The following ADGRB3 variants were observed in gnomAD, a reference collection of about 807,000 sequenced individuals.
ADGRB3 encodes adhesion G protein-coupled receptor B3.
In ADGRB3, 37 loss-of-function variants were observed where a neutral mutation model predicts 193.4. The ratio of observed to expected loss-of-function variants is 0.19; its 90% CI spans 0.15 to 0.25. The LOEUF (loss-of-function observed/expected upper bound fraction) is 0.25, where lower values mean the gene tolerates loss of function less well. Ranked by LOEUF, ADGRB3 falls within the 10% of genes least tolerant of loss-of-function variation. The pLI, the probability that ADGRB3 is intolerant of heterozygous loss-of-function variation, is 1.00. For synonymous variants in ADGRB3, 690 were observed against 644.2 expected, an observed-to-expected ratio of 1.07 and a Z score of -1.08; for missense variants, 1,637 against 1,852.9, an observed-to-expected ratio of 0.88 and a Z score of 2.14.
chr6:69,029,305 A>G (rs1489315599), intron 13 of ADGRB3, among the ~76,000 whole-genome samples: 1 of 152,160 alleles, frequency 6.6e-6, no homozygotes, highest in Non-Finnish European at 1.5e-5. Context: ...TTGGCTAATT[A>G]CACAAGTTAT....
chr6:68,863,055 T>A (rs1356434338), intron 3 of ADGRB3, among the ~76,000 whole-genome samples: 1 of 152,196 alleles, frequency 6.6e-6, no homozygotes, highest in East Asian at 1.9e-4. Flanking sequence ...CTGAAGTTAA[T>A]AATTACTATA....
Position 69,015,157 on chromosome 6 carries a change from G to T in ADGRB3, c.1998+1051G>T, listed in dbSNP as rs567189500. Among the ~76,000 whole-genome samples the T allele has an allele frequency of 3.3e-5, 5 of 152,116 alleles. No homozygotes were observed. The East Asian group carries it at 9.7e-4, about 29-fold the overall frequency. On this transcript the variant is annotated intron_variant, in intron 12 of 31. Transcript: ENST00000370598. ...TGGTGTCTTTCCTTAGAATACAGCT[G>T]CAGAGGCTAAGTACATCTTTCTAGG...
chr6:68,993,723 G>A (rs771512695), intron 10 of ADGRB3, 45 bp from the exon 11 acceptor site: 3 of 1,541,814 alleles, frequency 1.9e-6, no homozygotes, highest in Non-Finnish European at 8.8e-7. Flanking sequence ...CAGATAAATG[G>A]TAATGAAGAT....
chr6:69,099,290 G>A (rs557777779), intron 17 of ADGRB3, among the ~76,000 whole-genome samples: 2 of 152,306 alleles, frequency 1.3e-5, no homozygotes, highest in South Asian at 4.1e-4. Flanking sequence ...TAAACCTAAA[G>A]AACTGGTAAG....
At chr6:69,025,615 G>A (rs1390230460) in intron 13 of ADGRB3, among the ~76,000 whole-genome samples, 2 of 148,290 alleles carry the variant, frequency 1.3e-5, no homozygotes, top group Non-Finnish European at 3.0e-5. Flanking sequence ...TTCTATCTCT[G>A]CCTTCTGGCT....
chr6:68,733,515 A>C (rs2127334190), intron 3 of ADGRB3, among the ~76,000 whole-genome samples: 1 of 151,736 alleles, frequency 6.6e-6, no homozygotes, highest in South Asian at 2.1e-4. Flanking sequence ...AGCATTGAAA[A>C]CCTACCTTTT....
intron 17 of ADGRB3, among the ~76,000 whole-genome samples, chr6:69,137,274 T>C (rs1478524757): frequency 6.6e-6 from 1 of 152,098 alleles, no homozygotes; most frequent in East Asian, 1.9e-4. Flanking sequence ...CAGTAGGTTA[T>C]ATTTGAATAC....
rs181041987 is a variant in ADGRB3 at position 69,346,578 on chromosome 6, T to C, written c.3459+7074T>C. On this transcript the variant is annotated intron_variant, in intron 26 of 31. Coordinates refer to ENST00000370598, the MANE Select transcript of ADGRB3 (RefSeq NM_001704.3). The stretch of plus-strand genomic sequence containing the variant: ...GACACTTTTCAAAAGAAGACATTTA[T>C]GCAGCCAACAAACATATGAAAAATA... 1.4e-4 allele frequency among the ~76,000 whole-genome samples: 21 copies of C among 152,344 alleles called. No individual in the cohort carries two copies. In the East Asian group the frequency reaches 4.0e-3, roughly 29 times the overall value.
intron 17 of ADGRB3, among the ~76,000 whole-genome samples, chr6:69,170,668 G>A (rs955844477): frequency 1.2e-4 from 18 of 152,166 alleles, no homozygotes; most frequent in African/African-American, 3.1e-4. Context: ...GTTCTCTGCC[G>A]TAAAACTGCA....
intron 6 of ADGRB3, among the ~76,000 whole-genome samples, chr6:68,948,350 CT>C (rs1467832858): frequency 6.6e-6 from 1 of 152,096 alleles, no homozygotes; most frequent in African/African-American, 2.4e-5. Context: ...GTGATTCCCC[CT>C]CTACGGTGAT....
At chr6:69,265,686 T>C (rs1360333809) in intron 20 of ADGRB3, among the ~76,000 whole-genome samples, 1 of 152,004 alleles carries the variant, frequency 6.6e-6, no homozygotes, top group Admixed American at 6.6e-5. Context: ...AGTCCTGAGG[T>C]CATTGGCTAA....
chr6:69,270,528 T>A (rs1203327687), intron 20 of ADGRB3, among the ~76,000 whole-genome samples: 1 of 152,156 alleles, frequency 6.6e-6, no homozygotes, highest in Admixed American at 6.5e-5. Flanking sequence ...TTTGAAAGAA[T>A]CTATAAAAAT....
intron 3 of ADGRB3, among the ~76,000 whole-genome samples, chr6:68,798,026 G>T (rs1379068182): frequency 2.0e-5 from 3 of 152,032 alleles, no homozygotes; most frequent in African/African-American, 4.8e-5. Context: ...CACTCCTATT[G>T]TTCAAATTTC....
chr6:68,958,857 G>A (rs983004150), intron 8 of ADGRB3, among the ~76,000 whole-genome samples: 1 of 142,252 alleles, frequency 7.0e-6, no homozygotes, highest in Non-Finnish European at 1.5e-5. Context: ...CTTATACAGG[G>A]GCAAAGAAAA....
At chr6:68,748,032 T>A (rs1435975979) in intron 3 of ADGRB3, among the ~76,000 whole-genome samples, 2 of 152,140 alleles carry the variant, frequency 1.3e-5, no homozygotes, top group African/African-American at 2.4e-5. Context: ...TTATTCACTA[T>A]CACGAGAATA....
chr6:68,960,654 A>AAAG (rs3043273), intron 8 of ADGRB3, among the ~76,000 whole-genome samples: 91,942 of 151,508 alleles, frequency 0.61, 27,931 homozygotes, highest in Middle Eastern at 0.76. Context: ...CTTCAGTAGG[A>AAAG]AAGAAGAACA....
chr6:68,982,832 A>T (rs923229861), intron 10 of ADGRB3, among the ~76,000 whole-genome samples: 2 of 152,040 alleles, frequency 1.3e-5, no homozygotes, highest in African/African-American at 4.8e-5. Flanking sequence ...TTATCTTTCT[A>T]CCCGAGAGGT....
chr6:69,145,952 T>A (rs1470107663), intron 17 of ADGRB3, among the ~76,000 whole-genome samples: 1 of 152,082 alleles, frequency 6.6e-6, no homozygotes, highest in Admixed American at 6.5e-5. Context: ...TGCGCAGGAA[T>A]GGGTGGACCT....
intron 8 of ADGRB3, among the ~76,000 whole-genome samples, chr6:68,961,274 A>G (rs1768224925): frequency 6.6e-6 from 1 of 152,192 alleles, no homozygotes; most frequent in Non-Finnish European, 1.5e-5. Flanking sequence ...CACGAAGAGC[A>G]GGAGAAACAA....
Sources: allele counts gnomAD v4.1 joint callset (sites outside exome capture counted in the v4.1 genomes callset), GRCh38; gene constraint gnomAD v4.1.1; transcripts MANE v1.5; gene names NCBI Gene and HGNC (gene_info 2026-07-23, HGNC 2026-07-21).